The following VWDE variants were observed in gnomAD, a reference collection of about 807,000 sequenced individuals.
The protein encoded by VWDE is von Willebrand factor D and EGF domains.
A neutral mutation model predicts 178.4 loss-of-function variants in VWDE; 207 were observed. The observed-to-expected ratio is 1.16, with a 90% CI of 1.04 to 1.30. VWDE has a LOEUF of 1.30. Ranked by LOEUF, VWDE falls within the 50% of genes most tolerant of loss-of-function variation. VWDE has a pLI of 0.00. For missense variants in VWDE, 2,287 were observed against 1,901.3 expected (o/e 1.20, Z -3.77); for synonymous variants, 738 against 651.4 (o/e 1.13, Z -2.02).
chr7:12,350,060 A>T (rs1781843747), intron 19 of VWDE, among the ~76,000 whole-genome samples: 1 of 152,032 alleles, frequency 6.6e-6, no homozygotes, highest in Non-Finnish European at 1.5e-5. Context: ...TTTACCAAAT[A>T]ATTAAGGAAA....
At position 12,380,576 on chromosome 7, in the gene VWDE, T is replaced by C. The variant is rs751572587; in HGVS notation, c.699A>G (p.Gln233=). The C allele has an allele frequency of 5.8e-6, 9 of 1,552,092 alleles. No homozygotes were observed. The South Asian group carries it at 9.5e-5, about 16-fold the overall frequency. Residue 233 remains glutamine (Q), a synonymous_variant, in exon 5 of 29, where the codon CAA becomes CAG. Transcript: ENST00000275358. ...CTTGTGTCAGCTCCTCTTTGACTTCTTGAGAAGAAAGCCTAGACCAAGCTA... is the reference window on the plus strand; with the variant it reads ...CTTGTGTCAGCTCCTCTTTGACTTCCTGAGAAGAAAGCCTAGACCAAGCTA... The part of the protein sequence containing the change: ...FHIAWSRLSS[Q]EVKEELTQET...
chr7:12,339,042 G>C lies in VWDE; in HGVS notation c.4366+1280C>G, dbSNP rs559456146. ...ATAAGAATTACATGTCATAGCAACT[G>C]TCTAGATCATACTTGAAAGCCAGAA... On this transcript the variant is annotated intron_variant, in intron 24 of 28. Transcript: ENST00000275358. 5.3e-5 allele frequency among the ~76,000 whole-genome samples: 8 copies of C among 152,176 alleles called. No individual in the cohort carries two copies. In the South Asian group the frequency reaches 1.5e-3, roughly 28 times the overall value.
At chr7:12,384,991 T>C (rs1233631179) in intron 3 of VWDE, among the ~76,000 whole-genome samples, 1 of 152,190 alleles carries the variant, frequency 6.6e-6, no homozygotes, top group Non-Finnish European at 1.5e-5. Context: ...ACTAGCTTGC[T>C]AAGTAGAAAT....
At chr7:12,361,594 T>C (rs2128553401) in intron 13 of VWDE, 73 bp from the exon 14 acceptor site, 1 of 1,365,284 alleles carries the variant, frequency 7.3e-7, no homozygotes, top group South Asian at 1.7e-5. Context: ...TTACATATAA[T>C]GAAAACATAA....
chr7:12,379,666 G>T (rs1009583534), intron 5 of VWDE, 100 bp from the exon 6 acceptor site: 6 of 696,222 alleles, frequency 8.6e-6, no homozygotes, highest in Admixed American at 3.3e-5. Context: ...TTCATAGATA[G>T]TATATAAAGA....
intron 8 of VWDE, 91 bp from the exon 9 acceptor site, chr7:12,374,853 A>G: frequency 1.7e-6 from 2 of 1,143,254 alleles, no homozygotes; most frequent in South Asian, 3.1e-5. Context: ...CAAACTTTCA[A>G]TTAATTATTG....
At chr7:12,331,245 A>G (rs1485035317) in intron 28 of VWDE, 48 bp from the exon 29 acceptor site, 2 of 1,491,052 alleles carry the variant, frequency 1.3e-6, no homozygotes, top group Admixed American at 2.1e-5. Context: ...GTATAAAATC[A>G]TTTAACCCTT....
chr7:12,397,882 A>G (rs1784701819), intron 1 of VWDE, among the ~76,000 whole-genome samples: 1 of 152,164 alleles, frequency 6.6e-6, no homozygotes, highest in Non-Finnish European at 1.5e-5. Flanking sequence ...ACCAGTCCGA[A>G]TCACTATTAT....
chr7:12,354,315 A>T, intron 18 of VWDE: 2 of 399,364 alleles, frequency 5.0e-6, no homozygotes. Context: ...AACTGCAGCA[A>T]AAAAAATCTC....
chr7:12,352,833 A>C (rs567774824), intron 18 of VWDE, among the ~76,000 whole-genome samples: 73 of 152,326 alleles, frequency 4.8e-4, no homozygotes, highest in South Asian at 1.9e-3. Flanking sequence ...ACTGTCTTCT[A>C]TAACTTAGTT....
intron 2 of VWDE, among the ~76,000 whole-genome samples, chr7:12,393,184 G>C (rs1366376669): frequency 6.6e-6 from 1 of 152,130 alleles, no homozygotes; most frequent in Non-Finnish European, 1.5e-5. Context: ...TAGACACACA[G>C]TATTTTACTA....
intron 6 of VWDE, among the ~76,000 whole-genome samples, chr7:12,378,448 A>T (rs1207609680): frequency 6.6e-6 from 1 of 152,154 alleles, no homozygotes; most frequent in East Asian, 1.9e-4. Flanking sequence ...AACTGGTGCA[A>T]CCCAGGACTG....
intron 16 of VWDE, among the ~76,000 whole-genome samples, 182 bp downstream of exon 16, chr7:12,359,396 C>G (rs2128552790): frequency 6.6e-6 from 1 of 152,242 alleles, no homozygotes; most frequent in East Asian, 1.9e-4. Context: ...ATCACAAATC[C>G]TTTCCTAATC....
chr7:12,377,170 G>A (rs573842648), intron 7 of VWDE, among the ~76,000 whole-genome samples: 25 of 152,118 alleles, frequency 1.6e-4, no homozygotes, highest in African/African-American at 5.1e-4. Flanking sequence ...GTTTGTCCTC[G>A]CATATTCTAT....
At position 12,357,438 on chromosome 7, in the gene VWDE, C is replaced by A; in HGVS notation, c.3352G>T (p.Val1118Leu). 6.4e-7 allele frequency: 1 copy of A among 1,551,922 alleles called. No individual in the cohort carries two copies. The highest frequency in any genetic ancestry group is 8.7e-7 in the Non-Finnish European group (1 of 1,147,072). ...TCAGAACCTTCTGGATCGAAGGCCA[C>A]GAACTGATACTCAAAGTTTTCACCA... ...FYGENFEYQFVAFDPEGSDIH... is the reference protein window; with the variant it reads ...FYGENFEYQFLAFDPEGSDIH... The change falls in exon 17 of 29, where the codon GTG (valine) becomes TTG (leucine). Residue 1118 changes from valine (V) to leucine (L), a missense_variant. By Grantham distance (32) the Val-to-Leu change is conservative (BLOSUM62 1). Coordinates refer to ENST00000275358, the MANE Select transcript of VWDE (RefSeq NM_001135924.3).
At chr7:12,352,977 C>T (rs549892920) in intron 18 of VWDE, among the ~76,000 whole-genome samples, 1 of 152,092 alleles carries the variant, frequency 6.6e-6, no homozygotes, top group African/African-American at 2.4e-5. Flanking sequence ...CAACTTAATC[C>T]TCCTTTCTGA....
intron 24 of VWDE, among the ~76,000 whole-genome samples, chr7:12,337,489 T>C (rs539850655): frequency 6.6e-6 from 1 of 152,336 alleles, no homozygotes; most frequent in East Asian, 1.9e-4. Flanking sequence ...AATATATTGG[T>C]TAAGTGTTCA....
At chr7:12,377,544 A>G (rs11983017) in intron 7 of VWDE, 41,193 of 321,632 alleles carry the variant, frequency 0.13, 3,020 homozygotes, top group East Asian at 0.22. Flanking sequence ...GAGATTATTC[A>G]CTATTTTTTT....
intron 3 of VWDE, among the ~76,000 whole-genome samples, chr7:12,386,230 A>G (rs1019761763): frequency 3.9e-5 from 6 of 152,186 alleles, no homozygotes; most frequent in African/African-American, 1.4e-4. Context: ...AATATTTTTA[A>G]AATATTTCAA....
Sources: gnomAD v4.1 joint callset for allele counts (sites outside exome capture counted in the v4.1 genomes callset) on GRCh38, gnomAD v4.1.1 for gene constraint, MANE v1.5 for transcripts, NCBI Gene and HGNC (gene_info 2026-07-23, HGNC 2026-07-21) for gene names.